CCND3: variants seen among roughly 807,000 people sequenced by gnomAD.
The protein encoded by CCND3 is G1/S-specific cyclin-D3.
A neutral mutation model predicts 28.7 loss-of-function variants in CCND3; 9 were observed. That is an observed-to-expected ratio of 0.31 (90% CI 0.19 to 0.55). CCND3 has a LOEUF of 0.55. Among genes scored for constraint, CCND3 ranks in the 20% least tolerant of loss-of-function variants. The probability of loss-of-function intolerance (pLI) is 0.93; values close to 1 mark genes in which losing one functional copy is unlikely to be tolerated. For missense variants in CCND3, 315 were observed against 385.8 expected (o/e 0.82, Z 1.54); for synonymous variants, 164 against 163.9 (o/e 1.00, Z 0.00).
intron 1 of CCND3, among the ~76,000 whole-genome samples, chr6:41,962,688 G>T (rs1469204846): frequency 6.6e-6 from 1 of 152,226 alleles, no homozygotes; most frequent in African/African-American, 2.4e-5. Context: ...GGCTGAGGTT[G>T]CAGTGAGCTG....
chr6:42,008,086 A>T lies in CCND3; in HGVS notation c.-46+40415T>A, dbSNP rs188914892. On this transcript the variant is annotated intron_variant, in intron 1 of 4. Transcript: ENST00000372988. ...TACCTTATTTTTTAATATAAAAAAT[A>T]GTAGTATCTCTTGGCTAGGCGCGGT... Among the ~76,000 whole-genome samples, 4 of 152,272 alleles carry T rather than the reference A, an allele frequency of 2.6e-5. No individual in the cohort carries two copies. In the East Asian group the frequency reaches 7.7e-4, roughly 29 times the overall value.
chr6:41,983,045 T>C (rs1184261374), intron 1 of CCND3, among the ~76,000 whole-genome samples: 16 of 152,150 alleles, frequency 1.1e-4, no homozygotes, highest in Non-Finnish European at 1.9e-4. Context: ...TGATGACTTT[T>C]CATCACTCAG....
intron 1 of CCND3, among the ~76,000 whole-genome samples, chr6:41,959,679 T>TCTCAAAAAAAAAAAAAAA (rs772818142): frequency 3.4e-5 from 5 of 147,116 alleles, no homozygotes; most frequent in Admixed American, 1.3e-4. Context: ...ACAGCAAGAC[T>TCTCAAAAAAAAAAAAAAA]AAATCAGGCC....
chr6:41,997,412 G>A (rs1442522996), intron 1 of CCND3, among the ~76,000 whole-genome samples: 2 of 152,156 alleles, frequency 1.3e-5, no homozygotes, highest in Admixed American at 6.6e-5. Context: ...GTGGCAGAGT[G>A]AAGATGTGAG....
At chr6:41,947,919 C>G (rs1353997995) in intron 1 of CCND3, among the ~76,000 whole-genome samples, 1 of 152,102 alleles carries the variant, frequency 6.6e-6, no homozygotes, top group Non-Finnish European at 1.5e-5. Flanking sequence ...GCCAAAGACC[C>G]TGCAGCATCT....
At chr6:41,950,711 T>TC (rs1316588270) in intron 1 of CCND3, among the ~76,000 whole-genome samples, 3 of 136,866 alleles carry the variant, frequency 2.2e-5, no homozygotes, top group East Asian at 2.3e-4. Context: ...CCTTTTTTTT[T>TC]TCTTTTTTTT....
Position 41,963,458 on chromosome 6 carries a change from A to G in CCND3, c.-45-22873T>C, listed in dbSNP as rs183730495. ...CTTTACATAAGGAAAAGTGTGCTTTATTGAAGCTGCCTGAAGAGTACACAC... is the reference window on the plus strand; with the variant it reads ...CTTTACATAAGGAAAAGTGTGCTTTGTTGAAGCTGCCTGAAGAGTACACAC... On this transcript the variant is annotated intron_variant, in intron 1 of 4. Coordinates refer to the CCND3 transcript ENST00000372988. Among the ~76,000 whole-genome samples, 3 of 152,358 alleles carry G rather than the reference A, an allele frequency of 2.0e-5. No homozygotes were observed. The East Asian group carries it at 5.8e-4, about 29-fold the overall frequency.
At chr6:42,028,883 G>T (rs1362500246) in intron 1 of CCND3, among the ~76,000 whole-genome samples, 1 of 152,162 alleles carries the variant, frequency 6.6e-6, no homozygotes, top group Non-Finnish European at 1.5e-5. Flanking sequence ...AGGCCAAATA[G>T]GTTTGTGACC....
intron 1 of CCND3, among the ~76,000 whole-genome samples, chr6:41,961,634 C>T (rs1238397490): frequency 6.6e-6 from 1 of 152,080 alleles, no homozygotes; most frequent in Non-Finnish European, 1.5e-5. Flanking sequence ...CCGAACTGCT[C>T]CTCCACAGCT....
At chr6:42,042,670 A>ATC (rs2127441552) in intron 1 of CCND3, among the ~76,000 whole-genome samples, 1 of 152,182 alleles carries the variant, frequency 6.6e-6, no homozygotes, top group African/African-American at 2.4e-5. Flanking sequence ...GGAAGTCTTA[A>ATC]TCCTGCAGTC....
chr6:42,039,448 C>T (rs1195966739), intron 1 of CCND3, among the ~76,000 whole-genome samples: 1 of 152,198 alleles, frequency 6.6e-6, no homozygotes, highest in Non-Finnish European at 1.5e-5. Context: ...TAGGCCAGGG[C>T]TGCCACCCAT....
At chr6:41,963,954 C>G (rs895907054) in intron 1 of CCND3, among the ~76,000 whole-genome samples, 5 of 152,186 alleles carry the variant, frequency 3.3e-5, no homozygotes, top group Admixed American at 1.3e-4. Flanking sequence ...CTCTTCCCCC[C>G]ACCTCTAGCA....
At chr6:42,032,556 G>A (rs1349230423) in intron 1 of CCND3, among the ~76,000 whole-genome samples, 2 of 152,222 alleles carry the variant, frequency 1.3e-5, no homozygotes, top group Admixed American at 6.5e-5. Flanking sequence ...AGCCGGGCAC[G>A]GGCACGCCCG....
chr6:42,040,095 C>T (rs1408010420), intron 1 of CCND3, among the ~76,000 whole-genome samples: 1 of 152,222 alleles, frequency 6.6e-6, no homozygotes, highest in Non-Finnish European at 1.5e-5. Flanking sequence ...CACATGTGCA[C>T]ACACACGTGT....
intron 1 of CCND3, among the ~76,000 whole-genome samples, chr6:42,011,907 G>A (rs988894658): frequency 2.0e-5 from 3 of 152,252 alleles, no homozygotes; most frequent in East Asian, 3.9e-4. Context: ...GGATCATCTC[G>A]AGGTAAGGTC....
chr6:41,952,811 A>AGTGTGTGTGT (rs58133117), intron 1 of CCND3, among the ~76,000 whole-genome samples: 40 of 150,836 alleles, frequency 2.7e-4, no homozygotes, highest in Middle Eastern at 3.5e-3. Flanking sequence ...AGTGAGTGTG[A>AGTGTGTGTGT]GTGTGTGTGT....
chr6:41,958,912 C>T (rs925797019), intron 1 of CCND3, among the ~76,000 whole-genome samples: 2 of 152,214 alleles, frequency 1.3e-5, no homozygotes, highest in African/African-American at 4.8e-5. Flanking sequence ...AACAGTTCTG[C>T]AGTTCCTCAA....
At position 42,036,377 on chromosome 6, in the gene CCND3, C is replaced by CTATATATA. The variant is rs1162806893; in HGVS notation, c.-46+12116_-46+12123dup. On this transcript the variant is annotated intron_variant, in intron 1 of 4. Transcript: ENST00000372988. ...TTGCCCAGGCTGGAGTGCATATATA[C>CTATATATA]TATATATATATATATATATATATAT... 2.5e-3 allele frequency among the ~76,000 whole-genome samples: 150 copies of CTATATATA among 59,566 alleles called. 4 individuals are homozygous for CTATATATA. The highest frequency in any genetic ancestry group is 0.016 in the Admixed American group (40 of 2,558). The allele number at this position is 59,566 out of a possible 152,430, so 39.1% of individuals were successfully genotyped here.
At chr6:42,031,963 G>A (rs1056613346) in intron 1 of CCND3, among the ~76,000 whole-genome samples, 8 of 151,842 alleles carry the variant, frequency 5.3e-5, no homozygotes, top group Non-Finnish European at 7.4e-5. Context: ...CTAATTTTTT[G>A]TATTTTTAAT....
Sources: allele counts gnomAD v4.1 joint callset (sites outside exome capture counted in the v4.1 genomes callset), GRCh38; gene constraint gnomAD v4.1.1; transcripts MANE v1.5; gene names NCBI Gene and HGNC (gene_info 2026-07-23, HGNC 2026-07-21).